The following TMEM178B variants were observed in gnomAD, a reference collection of about 807,000 sequenced individuals.
The protein encoded by TMEM178B is transmembrane protein 178B.
TMEM178B carries 5 observed loss-of-function variants against 31.0 expected under a neutral mutation model. The observed-to-expected ratio is 0.16, with a 90% confidence interval of 0.08 to 0.34. TMEM178B has a LOEUF of 0.34. Ranked by LOEUF, TMEM178B falls within the 10% of genes least tolerant of loss-of-function variation. The pLI, the probability that TMEM178B is intolerant of heterozygous loss-of-function variation, is 1.00. For missense variants in TMEM178B, 275 were observed against 400.3 expected, an observed-to-expected ratio of 0.69 and a Z score of 2.67; for synonymous variants, 164 against 164.0, an observed-to-expected ratio of 1.00 and a Z score of 0.00.
Position 141,344,606 on chromosome 7 carries a change from T to TCCTTCCTTCCTTCCTTCCTC in TMEM178B, c.497-92983_497-92982insCCCTTCCTTCCTTCCTTCCT. On this transcript the variant is annotated intron_variant, in intron 2 of 3. Transcript: ENST00000565468. The surrounding 1 kb of genome is among the most constrained non-coding windows in gnomAD (Gnocchi z 4.1). ...TTCCTTCCTTCCTTCCTTCCTTCCT[T>TCCTTCCTTCCTTCCTTCCTC]CCTTCCTTCCTTCCTTCCTTCCTCC... is the stretch of plus-strand genomic sequence containing the variant. Among the ~76,000 whole-genome samples, 1 of 150,096 alleles carries TCCTTCCTTCCTTCCTTCCTC rather than the reference T, an allele frequency of 6.7e-6. No homozygotes were observed. The highest frequency in any genetic ancestry group is 1.5e-5 in the Non-Finnish European group (1 of 67,594).
chr7:141,121,959 C>T (rs1253666161), intron 1 of TMEM178B, among the ~76,000 whole-genome samples: 1 of 152,174 alleles, frequency 6.6e-6, no homozygotes, highest in Non-Finnish European at 1.5e-5. Context: ...AGTCTCCTTT[C>T]CCATTCTTTG....
intron 1 of TMEM178B, among the ~76,000 whole-genome samples, chr7:141,085,571 C>T (rs948091382): frequency 1.3e-5 from 2 of 151,912 alleles, no homozygotes; most frequent in African/African-American, 4.8e-5. Flanking sequence ...TTTAAAATGC[C>T]CTGCTGTTCT....
intron 1 of TMEM178B, among the ~76,000 whole-genome samples, chr7:141,121,778 C>T (rs1795411261): frequency 6.6e-6 from 1 of 152,150 alleles, no homozygotes. Context: ...TCCCCATGAA[C>T]CTGGTATCAT....
At chr7:141,305,432 T>C (rs1798800410) in intron 2 of TMEM178B, among the ~76,000 whole-genome samples, 1 of 152,068 alleles carries the variant, frequency 6.6e-6, no homozygotes, top group Admixed American at 6.6e-5. Context: ...GCTTTTCTTT[T>C]TTTCTTTTTT....
At chr7:141,117,654 A>C (rs1331645958) in intron 1 of TMEM178B, among the ~76,000 whole-genome samples, 1 of 152,166 alleles carries the variant, frequency 6.6e-6, no homozygotes, top group Non-Finnish European at 1.5e-5. Flanking sequence ...TCTTACATTT[A>C]AGTCTTTAAT....
intron 1 of TMEM178B, among the ~76,000 whole-genome samples, chr7:141,122,766 T>A (rs1260591947): frequency 6.6e-6 from 1 of 152,262 alleles, no homozygotes; most frequent in Non-Finnish European, 1.5e-5. Context: ...TTTTTCTTCT[T>A]TCTTTCCCAC....
At chr7:141,341,671 G>C (rs531744199) in intron 2 of TMEM178B, among the ~76,000 whole-genome samples, 9 of 152,044 alleles carry the variant, frequency 5.9e-5, no homozygotes, top group Admixed American at 5.2e-4. Context: ...CAACTCTCCT[G>C]TCTAGCAATT....
intron 2 of TMEM178B, among the ~76,000 whole-genome samples, chr7:141,384,767 G>A (rs1001600934): frequency 5.9e-5 from 9 of 152,154 alleles, no homozygotes; most frequent in Non-Finnish European, 1.3e-4. Context: ...GTCATTGGTA[G>A]CTTTTATTTT....
intron 1 of TMEM178B, among the ~76,000 whole-genome samples, chr7:141,200,027 G>A (rs1371136872): frequency 6.6e-6 from 1 of 151,904 alleles, no homozygotes; most frequent in East Asian, 1.9e-4. Flanking sequence ...CCCCAGCCTG[G>A]GCAACAGAGT....
At chr7:141,467,306 T>G (rs549177937) in intron 3 of TMEM178B, among the ~76,000 whole-genome samples, 1 of 152,236 alleles carries the variant, frequency 6.6e-6, no homozygotes, top group East Asian at 1.9e-4. Flanking sequence ...TTTGGAGTAC[T>G]GTTCTCACAA....
At chr7:141,413,187 AG>A (rs1208769844) in intron 2 of TMEM178B, among the ~76,000 whole-genome samples, 3 of 152,232 alleles carry the variant, frequency 2.0e-5, no homozygotes, top group Non-Finnish European at 2.9e-5. Context: ...CCTGACATTC[AG>A]GAATTTTACA....
At chr7:141,093,211 A>C (rs1198283204) in intron 1 of TMEM178B, among the ~76,000 whole-genome samples, 2 of 152,198 alleles carry the variant, frequency 1.3e-5, no homozygotes, top group Non-Finnish European at 2.9e-5. Flanking sequence ...TGGTGACTAG[A>C]ACCAGAGTAC....
chr7:141,246,206 G>A (rs1356674672), intron 2 of TMEM178B, among the ~76,000 whole-genome samples: 1 of 152,158 alleles, frequency 6.6e-6, no homozygotes, highest in African/African-American at 2.4e-5. Context: ...ATTTTTTGTT[G>A]ATAGTTCATC....
At chr7:141,443,917 TTGCTC>T (rs1801706739) in intron 3 of TMEM178B, among the ~76,000 whole-genome samples, 1 of 152,240 alleles carries the variant, frequency 6.6e-6, no homozygotes, top group Non-Finnish European at 1.5e-5. Flanking sequence ...CCTTCTTTTG[TTGCTC>T]TCATTGGTAC....
chr7:141,162,998 A>G (rs1171099174), intron 1 of TMEM178B, among the ~76,000 whole-genome samples: 1 of 152,246 alleles, frequency 6.6e-6, no homozygotes, highest in East Asian at 1.9e-4. Context: ...AAAGCAGTGT[A>G]TCAGCTAGCT....
At chr7:141,293,815 C>T (rs1277971303) in intron 2 of TMEM178B, among the ~76,000 whole-genome samples, 1 of 152,114 alleles carries the variant, frequency 6.6e-6, no homozygotes, top group African/African-American at 2.4e-5. Flanking sequence ...CAGCACCATG[C>T]CTGGCATGTA....
At chr7:141,458,165 G>T (rs767665534) in intron 3 of TMEM178B, among the ~76,000 whole-genome samples, 12 of 152,312 alleles carry the variant, frequency 7.9e-5, no homozygotes, top group Middle Eastern at 3.4e-3. Context: ...TGTAGCCCAG[G>T]CTGGAGTGCA....
intron 1 of TMEM178B, among the ~76,000 whole-genome samples, chr7:141,131,904 C>A (rs140258600): frequency 6.6e-6 from 1 of 152,160 alleles, no homozygotes; most frequent in Non-Finnish European, 1.5e-5. Context: ...ATACACCCAC[C>A]AACAATATAG....
intron 2 of TMEM178B, among the ~76,000 whole-genome samples, chr7:141,382,743 A>T (rs17162182): frequency 0.064 from 9,742 of 152,314 alleles, 376 homozygotes; most frequent in South Asian, 0.11. Context: ...TGACAAAGAG[A>T]AAACAACAGT....
Sources: gnomAD v4.1 joint callset for allele counts (sites outside exome capture counted in the v4.1 genomes callset) on GRCh38, gnomAD v4.1.1 for gene constraint, Gnocchi (gnomAD v3.1) non-coding constraint, MANE v1.5 for transcripts, NCBI Gene and HGNC (gene_info 2026-07-23, HGNC 2026-07-21) for gene names.